Variants in KLHDC8A observed in about 807,000 individuals in gnomAD.
The protein encoded by KLHDC8A is kelch domain-containing protein 8A.
In KLHDC8A, 21 loss-of-function variants were observed where a neutral mutation model predicts 33.1. The ratio of observed to expected loss-of-function variants is 0.64; its 90% CI spans 0.45 to 0.91. KLHDC8A has a LOEUF of 0.91. KLHDC8A is among the 40% of genes least tolerant of loss of function. The pLI, the probability that KLHDC8A is intolerant of heterozygous loss-of-function variation, is 0.00. For missense variants in KLHDC8A, 435 were observed against 483.3 expected, an observed-to-expected ratio of 0.90 and a Z score of 0.94; for synonymous variants, 173 against 193.5, an observed-to-expected ratio of 0.89 and a Z score of 0.88.
chr1:205,351,972 C>A (rs1366758488), intron 1 of KLHDC8A, among the ~76,000 whole-genome samples: 1 of 152,114 alleles, frequency 6.6e-6, no homozygotes, highest in African/African-American at 2.4e-5. Context: ...CCTTGCCTCC[C>A]TCCTAACTCC....
chr1:205,353,029 C>T (rs1242205561), intron 1 of KLHDC8A, among the ~76,000 whole-genome samples: 1 of 152,198 alleles, frequency 6.6e-6, no homozygotes, highest in African/African-American at 2.4e-5. Flanking sequence ...CCAGAAAGGA[C>T]TATTTTCTTC....
intron 1 of KLHDC8A, among the ~76,000 whole-genome samples, chr1:205,356,229 T>G (rs1663271045): frequency 6.6e-6 from 1 of 152,198 alleles, no homozygotes; most frequent in African/African-American, 2.4e-5. Flanking sequence ...TTGAGCTGAA[T>G]TCGGATCAGA....
intron 2 of KLHDC8A, among the ~76,000 whole-genome samples, chr1:205,342,848 A>T (rs1281189583): frequency 6.6e-6 from 1 of 152,176 alleles, no homozygotes; most frequent in Non-Finnish European, 1.5e-5. Flanking sequence ...GCGGCCAGAC[A>T]TGAACCCTCA....
At position 205,336,759 on chromosome 1, in the gene KLHDC8A, A is replaced by G. The variant is rs900553361; in HGVS notation, c.*640T>C. 5 of 153,016 alleles carry G rather than the reference A, an allele frequency of 3.3e-5. No homozygotes were observed. Among genetic ancestry groups the G allele is most frequent in the Non-Finnish European group, 7.3e-5 (5 of 68,580 alleles). The allele number at this position is 153,016 out of a possible 1,614,324, so 9.5% of individuals were successfully genotyped here. A position where few individuals can be genotyped will look rare whatever the true frequency, so the allele number is the denominator to read the frequency against. ...GGAGACTGCTCCTTCCCCATCACACATGCCCATCAAGGACCCCAAGAGGAA... is the reference window on the plus strand; with the variant it reads ...GGAGACTGCTCCTTCCCCATCACACGTGCCCATCAAGGACCCCAAGAGGAA... On this transcript the variant is annotated 3_prime_UTR_variant, in exon 6 of 6. Coordinates refer to ENST00000367155, the MANE Select transcript of KLHDC8A (RefSeq NM_018203.3).
rs552342665 is a variant in KLHDC8A, at chr1:205,339,749, G to T, written c.436C>A (p.Gln146Lys). Residue 146 changes from glutamine (Q) to lysine (K), a missense_variant, in exon 3 of 6, where the codon CAA becomes AAA. Physicochemically the swap from Gln to Lys is moderately conservative, Grantham distance 53. Coordinates refer to ENST00000367155, the MANE Select transcript of KLHDC8A (RefSeq NM_018203.3). The surrounding 1 kb of genome is among the most constrained non-coding windows in gnomAD (Gnocchi z 5.1). ...GLDLRPHNHL[Q>K]HYDMLKDMWV... is the part of the protein sequence containing the mutation. ...ATGTCCTTCAGCATGTCATAGTGTT[G>T]GAGGTGGTTGTGTGGACGTAGGTCC... The T allele has an allele frequency of 6.2e-7, 1 of 1,614,064 alleles. No individual in the cohort carries two copies. Among genetic ancestry groups the T allele is most frequent in the South Asian group, 1.1e-5 (1 of 91,082 alleles).
At chr1:205,350,512 G>A (rs529498370) in intron 1 of KLHDC8A, among the ~76,000 whole-genome samples, 12 of 152,146 alleles carry the variant, frequency 7.9e-5, no homozygotes, top group Admixed American at 3.3e-4. Flanking sequence ...GGACAGCAGA[G>A]CCTTTATGAG....
chr1:205,343,419 C>T lies in KLHDC8A; in HGVS notation c.186G>A (p.Leu62=), dbSNP rs888859588. 6.2e-7 allele frequency: 1 copy of T among 1,613,226 alleles called. No homozygotes were observed. Among genetic ancestry groups the T allele is most frequent in the Non-Finnish European group, 8.5e-7 (1 of 1,179,814 alleles). The stretch of plus-strand genomic sequence containing the variant: ...CCGCCCGGGCTGTGGGCAGCCGGGG[C>T]AAGGCGGTCCACTGGTCGGCCTCCG... ...YSPEADQWTA[L]PRLPTARAGV... is the part of the protein sequence containing the mutation. Residue 62 remains leucine, a synonymous_variant, in exon 2 of 6, where the codon TTG becomes TTA. Coordinates refer to ENST00000367155, the MANE Select transcript of KLHDC8A (RefSeq NM_018203.3).
chr1:205,352,168 C>T (rs1663131602), intron 1 of KLHDC8A, among the ~76,000 whole-genome samples: 1 of 152,174 alleles, frequency 6.6e-6, no homozygotes, highest in South Asian at 2.1e-4. Flanking sequence ...TTGCTTCTCC[C>T]AGCAGGCCTT....
intron 1 of KLHDC8A, among the ~76,000 whole-genome samples, chr1:205,354,655 A>G (rs1663213827): frequency 6.6e-6 from 1 of 152,048 alleles, no homozygotes; most frequent in African/African-American, 2.4e-5. Context: ...CAGTTTCCTC[A>G]GTTGCTTATA....
At chr1:205,345,937 C>G (rs899649821) in intron 1 of KLHDC8A, among the ~76,000 whole-genome samples, 2 of 152,094 alleles carry the variant, frequency 1.3e-5, no homozygotes, top group African/African-American at 2.4e-5. Flanking sequence ...AGCTGGGTGC[C>G]GTGATGCATG....
chr1:205,349,349 C>CAT (rs1475459668), intron 1 of KLHDC8A, among the ~76,000 whole-genome samples: 3 of 152,194 alleles, frequency 2.0e-5, no homozygotes, highest in African/African-American at 7.2e-5. Flanking sequence ...CACTCCAGTG[C>CAT]ATAGCTGGTG....
At position 205,343,138 on chromosome 1, in the gene KLHDC8A, C is replaced by T. The variant is rs1662834372; in HGVS notation, c.376+91G>A. 3 of 1,495,852 alleles carry T rather than the reference C, an allele frequency of 2.0e-6. No homozygotes were observed. In the Admixed American group the frequency reaches 6.5e-5, roughly 32 times the overall value. 92.7% of individuals were successfully genotyped at this position (1,495,852 alleles called of 1,614,324 possible). A position where few individuals can be genotyped will look rare whatever the true frequency, so the allele number is the denominator to read the frequency against. On this transcript the variant is annotated intron_variant, in intron 2 of 5. Transcript: ENST00000367155. ...AGAAATATGGCACTAAACTCCACAG[C>T]CCACAGCAAATGCCTGTTGGTTTCC...
At position 205,339,457 on chromosome 1, in the gene KLHDC8A, G is replaced by A. The variant is rs757263200; in HGVS notation, c.542-48C>T. 9.0e-6 allele frequency: 14 copies of A among 1,555,072 alleles called. No homozygotes were observed. The South Asian group carries it at 1.5e-4, about 16-fold the overall frequency. ...GGTTGGGCAGAAGGGTTGTCCCTGA[G>A]GACAGCGACAGTGAAAAGGGTTTCC... On this transcript the variant is annotated intron_variant, in intron 3 of 5. Coordinates refer to ENST00000367155, the MANE Select transcript of KLHDC8A (RefSeq NM_018203.3). The surrounding 1 kb of genome is among the most constrained non-coding windows in gnomAD (Gnocchi z 5.1).
At chr1:205,355,653 C>G (rs549039706) in intron 1 of KLHDC8A, among the ~76,000 whole-genome samples, 2 of 152,112 alleles carry the variant, frequency 1.3e-5, no homozygotes, top group African/African-American at 4.8e-5. Context: ...TATAATTTAG[C>G]CTATAAAGTA....
chr1:205,350,880 C>T (rs1663084675), intron 1 of KLHDC8A, among the ~76,000 whole-genome samples: 1 of 151,744 alleles, frequency 6.6e-6, no homozygotes, highest in Non-Finnish European at 1.5e-5. Flanking sequence ...TGTGCTGAGG[C>T]ACTGGGAGCT....
rs764645460 is a variant in KLHDC8A at position 205,338,593 on chromosome 1, C to T, written c.761G>A (p.Gly254Glu). The T allele has an allele frequency of 6.2e-7, 1 of 1,613,682 alleles. No individual in the cohort carries two copies. The highest frequency in any genetic ancestry group is 1.7e-5 in the Admixed American group (1 of 60,018). Residue 254 changes from glycine (G) to glutamate (E), a missense_variant, in exon 5 of 6, where the codon GGA becomes GAA. Transcript: ENST00000367155. ...GAACGATCGTTCCATCTTCAGCCAT[C>T]CCCCTATAGGCCATGGATAATGGTG... ...TMDVFDMEQG[G>E]WLKMERSFFL...
Position 205,339,794 on chromosome 1 carries a change from C to T in KLHDC8A, c.391G>A (p.Ala131Thr). Residue 131 changes from alanine (A) to threonine (T), a missense_variant, in exon 3 of 6, where the codon GCG becomes ACG. Coordinates refer to ENST00000367155, the MANE Select transcript of KLHDC8A (RefSeq NM_018203.3). This position sits in a 1 kb window ranked among gnomAD's most constrained non-coding sequence, Gnocchi z 5.1. ...AGGTCCAGGCCCATCCCGCCTGCCG[C>T]ATATACTCGGTAATCTAAGAAGAAA... ...SVTAKDYRVY[A>T]AGGMGLDLRP... 6.2e-7 allele frequency: 1 copy of T among 1,613,878 alleles called. No individual in the cohort carries two copies. Among genetic ancestry groups the T allele is most frequent in the Non-Finnish European group, 8.5e-7 (1 of 1,179,902 alleles).
chr1:205,339,570 C>T lies in KLHDC8A; in HGVS notation c.541+74G>A. On this transcript the variant is annotated intron_variant, in intron 3 of 5. Transcript: ENST00000367155. The surrounding 1 kb of genome is among the most constrained non-coding windows in gnomAD (Gnocchi z 5.1). ...CAGTGCCGAGGAGATGCTCAGCACA[C>T]AGGCACTGCTTCCTATGGGAACTGA... The T allele has an allele frequency of 6.5e-7, 1 of 1,537,582 alleles. No homozygotes were observed. Among genetic ancestry groups the T allele is most frequent in the Non-Finnish European group, 8.9e-7 (1 of 1,119,200 alleles).
intron 1 of KLHDC8A, among the ~76,000 whole-genome samples, chr1:205,346,075 C>A (rs375785481): frequency 4.0e-4 from 61 of 152,320 alleles, no homozygotes; most frequent in African/African-American, 1.4e-3. Flanking sequence ...ACTTTGAGTT[C>A]TTGGCTTAAA....
Sources: gnomAD v4.1 joint callset for allele counts (sites outside exome capture counted in the v4.1 genomes callset) on GRCh38, gnomAD v4.1.1 for gene constraint, Gnocchi (gnomAD v3.1) non-coding constraint, MANE v1.5 for transcripts, NCBI Gene and HGNC (gene_info 2026-07-23, HGNC 2026-07-21) for gene names.